DCC: variants seen among roughly 807,000 people sequenced by gnomAD.
The protein encoded by DCC is DCC netrin 1 receptor, also known as netrin receptor DCC.
A neutral mutation model predicts 172.5 loss-of-function variants in DCC; 58 were observed. That is an observed-to-expected ratio of 0.34 (90% CI 0.27 to 0.42). The LOEUF (loss-of-function observed/expected upper bound fraction) is 0.42, where lower values mean the gene tolerates loss of function less well. Among genes scored for constraint, DCC ranks in the 10% least tolerant of loss-of-function variants. The pLI is 1.00. For missense variants in DCC, 1,740 were observed against 1,791.0 expected (o/e 0.97, Z 0.51); for synonymous variants, 709 against 644.5 (o/e 1.10, Z -1.52).
intron 7 of DCC, among the ~76,000 whole-genome samples, chr18:53,142,254 C>T (rs746576625): frequency 1.1e-4 from 17 of 152,210 alleles, no homozygotes; most frequent in Non-Finnish European, 2.5e-4. Flanking sequence ...GTGGATGACA[C>T]TTCTCAGATT....
intron 8 of DCC, among the ~76,000 whole-genome samples, chr18:53,170,908 C>T (rs1300992545): frequency 1.3e-5 from 2 of 152,168 alleles, no homozygotes; most frequent in Admixed American, 1.3e-4. Context: ...TTATTTAAAA[C>T]AAGGTCTTAC....
At chr18:53,244,088 C>T (rs969845784) in intron 12 of DCC, among the ~76,000 whole-genome samples, 1 of 152,072 alleles carries the variant, frequency 6.6e-6, no homozygotes, top group Non-Finnish European at 1.5e-5. Context: ...GCAGATGTAA[C>T]CAGATGTGAC....
intron 1 of DCC, among the ~76,000 whole-genome samples, chr18:52,548,208 G>T (rs1345931989): frequency 1.3e-5 from 2 of 152,028 alleles, no homozygotes; most frequent in South Asian, 2.1e-4. Flanking sequence ...ACACAGGAAT[G>T]GTTGCTTCCA....
chr18:52,562,539 G>T (rs1169592912), intron 1 of DCC, among the ~76,000 whole-genome samples: 2 of 152,066 alleles, frequency 1.3e-5, no homozygotes, highest in Non-Finnish European at 2.9e-5. Context: ...AAGTTTCCAA[G>T]AAATGAAGAG....
chr18:53,316,293 G>A (rs1256025715), intron 13 of DCC, among the ~76,000 whole-genome samples: 2 of 152,036 alleles, frequency 1.3e-5, no homozygotes, highest in African/African-American at 4.8e-5. Flanking sequence ...TGAGGCCTCT[G>A]TTCTGTTCCT....
intron 5 of DCC, among the ~76,000 whole-genome samples, chr18:52,963,785 G>C (rs989590970): frequency 6.6e-6 from 1 of 151,350 alleles, no homozygotes; most frequent in Non-Finnish European, 1.5e-5. Context: ...ATATTATCTG[G>C]CATACCTTGT....
chr18:52,407,397 G>T (rs182224693), intron 1 of DCC, among the ~76,000 whole-genome samples: 1 of 151,800 alleles, frequency 6.6e-6, no homozygotes, highest in African/African-American at 2.4e-5. Flanking sequence ...ATATATTTTC[G>T]GTTGTCCAGG....
chr18:52,637,584 G>T (rs1161643378), intron 1 of DCC, among the ~76,000 whole-genome samples: 1 of 152,142 alleles, frequency 6.6e-6, no homozygotes, highest in Non-Finnish European at 1.5e-5. Context: ...TCAAAGACAC[G>T]ATCTTCGAAT....
At chr18:52,389,574 T>C (rs1985948411) in intron 1 of DCC, among the ~76,000 whole-genome samples, 1 of 152,130 alleles carries the variant, frequency 6.6e-6, no homozygotes, top group African/African-American at 2.4e-5. Context: ...ATACTTTATA[T>C]GGTAACATAG....
Position 52,801,809 on chromosome 18 carries a change from G to A in DCC, c.412+49435G>A, listed in dbSNP as rs950291518. Among the ~76,000 whole-genome samples the A allele has an allele frequency of 3.9e-5, 6 of 152,202 alleles. No individual in the cohort carries two copies. In the East Asian group the frequency reaches 9.7e-4, roughly 25 times the overall value. On this transcript the variant is annotated intron_variant, in intron 2 of 28. Transcript: ENST00000442544. The stretch of plus-strand genomic sequence containing the variant: ...TTTAAACTAGATTCCAAATTGCCCT[G>A]ATTTGTAGCACATGTATCTCTGTCA...
At chr18:53,455,589 T>A (rs908599840) in intron 23 of DCC, among the ~76,000 whole-genome samples, 2 of 152,254 alleles carry the variant, frequency 1.3e-5, no homozygotes, top group Admixed American at 6.5e-5. Flanking sequence ...ATTCTTATTA[T>A]TTAATTCAAG....
chr18:53,243,755 G>T (rs2056333913), intron 12 of DCC, among the ~76,000 whole-genome samples: 1 of 152,148 alleles, frequency 6.6e-6, no homozygotes, highest in Admixed American at 6.6e-5. Context: ...ACAAAACAGG[G>T]TCACTCAACT....
At chr18:53,414,470 A>G (rs1279321177) in intron 20 of DCC, among the ~76,000 whole-genome samples, 1 of 152,194 alleles carries the variant, frequency 6.6e-6, no homozygotes, top group Non-Finnish European at 1.5e-5. Context: ...AAATTCATTG[A>G]ATTGCATACA....
chr18:53,256,345 G>C lies in DCC; in HGVS notation c.1911+40748G>C, dbSNP rs151283120. ...TTTCTTCAGGGTTTTTATGGTTTTA[G>C]GTCTAACATGTAGGTCTTTAATCCA... On this transcript the variant is annotated intron_variant, in intron 12 of 28. Transcript: ENST00000442544. Among the ~76,000 whole-genome samples the C allele has an allele frequency of 6.8e-3, 1,039 of 152,248 alleles. 14 individuals carry two copies. Among genetic ancestry groups the C allele is most frequent in the African/African-American group, 0.023 (966 of 41,536 alleles).
At chr18:53,124,164 C>T (rs2043521960) in intron 7 of DCC, among the ~76,000 whole-genome samples, 1 of 151,944 alleles carries the variant, frequency 6.6e-6, no homozygotes, top group Admixed American at 6.6e-5. Context: ...TAACCAATTG[C>T]TTTCTGTTGT....
chr18:52,825,124 C>T (rs2038487245), intron 2 of DCC, among the ~76,000 whole-genome samples: 1 of 152,142 alleles, frequency 6.6e-6, no homozygotes, highest in South Asian at 2.1e-4. Context: ...ACCCCTTAGA[C>T]AGATGTTTCT....
At chr18:52,991,386 CCA>C (rs1047342014) in intron 5 of DCC, among the ~76,000 whole-genome samples, 2 of 152,084 alleles carry the variant, frequency 1.3e-5, no homozygotes, top group Non-Finnish European at 1.5e-5. Context: ...ATAGATATTA[CCA>C]CACACTTATT....
chr18:52,819,624 C>T (rs1418086440), intron 2 of DCC, among the ~76,000 whole-genome samples: 1 of 152,088 alleles, frequency 6.6e-6, no homozygotes, highest in Non-Finnish European at 1.5e-5. Flanking sequence ...CTCTTATAAT[C>T]CAGACGTCAG....
chr18:53,334,825 G>A (rs2057573337), intron 14 of DCC, among the ~76,000 whole-genome samples: 1 of 152,106 alleles, frequency 6.6e-6, no homozygotes, highest in Non-Finnish European at 1.5e-5. Context: ...TTTTAAAAAT[G>A]CATTTATACA....
Sources: gnomAD v4.1 joint callset for allele counts (sites outside exome capture counted in the v4.1 genomes callset) on GRCh38, gnomAD v4.1.1 for gene constraint, MANE v1.5 for transcripts, NCBI Gene and HGNC (gene_info 2026-07-23, HGNC 2026-07-21) for gene names.